PHF2: variants seen among roughly 807,000 people sequenced by gnomAD.
The protein encoded by PHF2 is PHD finger protein 2, also known as lysine-specific demethylase PHF2.
Under a neutral mutation model 120.5 loss-of-function variants are expected in PHF2, and 27 were observed. The observed-to-expected ratio is 0.22, with a 90% CI of 0.17 to 0.31. The LOEUF (loss-of-function observed/expected upper bound fraction) is 0.31, where lower values mean the gene tolerates loss of function less well. PHF2 is among the 10% of genes least tolerant of loss of function. PHF2 has a pLI of 1.00. For missense variants in PHF2, 1,024 were observed against 1,434.8 expected (o/e 0.71, Z 4.63); for synonymous variants, 568 against 592.5 (o/e 0.96, Z 0.60).
At chr9:93,615,927 G>A (rs1279271192) in intron 1 of PHF2, among the ~76,000 whole-genome samples, 1 of 152,154 alleles carries the variant, frequency 6.6e-6, no homozygotes, top group Non-Finnish European at 1.5e-5. Flanking sequence ...GGGCCATTCT[G>A]GTTTTAAAAA....
chr9:93,592,997 C>T (rs967036464), intron 1 of PHF2, among the ~76,000 whole-genome samples: 6 of 148,856 alleles, frequency 4.0e-5, no homozygotes, highest in African/African-American at 1.5e-4. Context: ...CAGGGCACAT[C>T]CAGAGGTCCT....
intron 17 of PHF2, among the ~76,000 whole-genome samples, chr9:93,672,983 T>G (rs1455323465): frequency 1.3e-5 from 2 of 148,948 alleles, no homozygotes; most frequent in African/African-American, 5.0e-5. Context: ...TGTAGATGCA[T>G]GTATGGGTGT....
intron 1 of PHF2, among the ~76,000 whole-genome samples, chr9:93,612,127 G>T (rs1038345788): frequency 6.6e-6 from 1 of 152,204 alleles, no homozygotes; most frequent in African/African-American, 2.4e-5. Flanking sequence ...AATTGTTCCA[G>T]ATCAGCAAAT....
At chr9:93,638,818 A>G (rs1826132854) in intron 3 of PHF2, among the ~76,000 whole-genome samples, 1 of 152,180 alleles carries the variant, frequency 6.6e-6, no homozygotes, top group Admixed American at 6.5e-5. Context: ...TCCCGGGTTC[A>G]AGTGATTCTT....
chr9:93,615,976 A>G (rs1372213552), intron 1 of PHF2, among the ~76,000 whole-genome samples: 1 of 152,246 alleles, frequency 6.6e-6, no homozygotes, highest in Non-Finnish European at 1.5e-5. Flanking sequence ...AAAGGAATAC[A>G]TGCTCATTTT....
At chr9:93,593,084 CAAAAAAAAAAA>C (rs200919035) in intron 1 of PHF2, among the ~76,000 whole-genome samples, 3 of 83,364 alleles carry the variant, frequency 3.6e-5, no homozygotes, top group Admixed American at 1.2e-4. Flanking sequence ...TCCTTTATGC[CAAAAAAAAAAA>C]AAAAAAAAAA....
chr9:93,636,612 G>T, intron 3 of PHF2, 87 bp downstream of exon 3: 3 of 984,376 alleles, frequency 3.0e-6, no homozygotes, highest in Non-Finnish European at 4.6e-6. Context: ...CATTGCTGGG[G>T]GCTTCCTTTG....
intron 1 of PHF2, among the ~76,000 whole-genome samples, chr9:93,627,358 AATTT>A (rs1276195463): frequency 7.2e-5 from 11 of 152,126 alleles, no homozygotes; most frequent in Non-Finnish European, 1.5e-4. Flanking sequence ...ACACCTTCTG[AATTT>A]ATTTGTTAGG....
At chr9:93,589,642 C>G (rs1367343366) in intron 1 of PHF2, among the ~76,000 whole-genome samples, 1 of 152,218 alleles carries the variant, frequency 6.6e-6, no homozygotes, top group Non-Finnish European at 1.5e-5. Context: ...AAGGCATCAG[C>G]TACATTTATT....
At position 93,576,679 on chromosome 9, in the gene PHF2, G is replaced by A; in HGVS notation, c.-95G>A. 1 of 234,680 alleles carries A rather than the reference G, an allele frequency of 4.3e-6. No homozygotes were observed. The highest frequency in any genetic ancestry group is 6.7e-6 in the Non-Finnish European group (1 of 149,098). The allele number at this position is 234,680 out of a possible 1,614,324, so 14.5% of individuals were successfully genotyped here. A position where few individuals can be genotyped will look rare whatever the true frequency, so the allele number is the denominator to read the frequency against. Reference sequence around the variant, plus strand: ...GCCGCGGCGCCGCCTGCGCCCCGCCGCCCCCGCCGCCCCCGCGCGGCCCGG... The same window carrying A: ...GCCGCGGCGCCGCCTGCGCCCCGCCACCCCCGCCGCCCCCGCGCGGCCCGG... On this transcript the variant is annotated 5_prime_UTR_variant, in exon 1 of 22. Coordinates refer to ENST00000359246, the MANE Select transcript of PHF2 (RefSeq NM_005392.4).
chr9:93,586,991 C>T (rs1863058095), intron 1 of PHF2, among the ~76,000 whole-genome samples: 1 of 152,198 alleles, frequency 6.6e-6, no homozygotes. Flanking sequence ...TAGGGAGGCA[C>T]CTTGGCCTGT....
intron 1 of PHF2, among the ~76,000 whole-genome samples, chr9:93,599,081 T>C (rs4744256): frequency 0.9 from 137,546 of 152,228 alleles, 62,206 homozygotes; most frequent in East Asian, 1. Context: ...AGCGAGCTAG[T>C]CCCGTGTCCA....
At chr9:93,662,609 G>A (rs116443538) in intron 12 of PHF2, among the ~76,000 whole-genome samples, 476 of 151,828 alleles carry the variant, frequency 3.1e-3, no homozygotes, top group African/African-American at 0.011. Flanking sequence ...ATGAATGAAC[G>A]AATGGGTGAG....
At position 93,667,381 on chromosome 9, in the gene PHF2, G is replaced by A. The variant is rs546423717; in HGVS notation, c.2348+141G>A. ...GCCGCCCCTGGGCCTGGGCAGAAGGGCACACCTCAGATGTTGGACTGGTTC... is the reference window on the plus strand; with the variant it reads ...GCCGCCCCTGGGCCTGGGCAGAAGGACACACCTCAGATGTTGGACTGGTTC... On this transcript the variant is annotated intron_variant, in intron 17 of 21. Transcript: ENST00000359246. The A allele has an allele frequency of 8.3e-5, 75 of 903,804 alleles. 1 individual carries two copies. The East Asian group carries it at 1.9e-3, about 23-fold the overall frequency. The allele number at this position is 903,804 out of a possible 1,614,324, so 56.0% of individuals were successfully genotyped here.
rs1448401043 is a variant in PHF2 at position 93,676,947 on chromosome 9, C to A, written c.3186C>A (p.Asn1062Lys). 3.2e-6 allele frequency: 5 copies of A among 1,559,590 alleles called. No homozygotes were observed. The highest frequency in any genetic ancestry group is 3.5e-6 in the Non-Finnish European group (4 of 1,148,912). The part of the protein sequence containing the change: ...QRRPSASSPN[N>K]NTAAKGKRTK... ...GGCCCTCCGCATCGTCTCCAAACAA[C>A]AACACCGCTGCCAAAGGTACTGTGC... Residue 1062 changes from asparagine (N) to lysine (K), a missense_variant, in exon 21 of 22, where the codon AAC becomes AAA. Physicochemically the swap from Asn to Lys is moderately conservative, Grantham distance 94 (BLOSUM62 0). Coordinates refer to ENST00000359246, the MANE Select transcript of PHF2 (RefSeq NM_005392.4).
rs1587726056 is a variant in PHF2, at chr9:93,676,909, C to T, written c.3148C>T (p.Leu1050Phe). The T allele has an allele frequency of 6.3e-7, 1 of 1,581,162 alleles. No homozygotes were observed. Residue 1050 changes from leucine to phenylalanine, a missense_variant, in exon 21 of 22, where the codon CTC (leucine) becomes TTC (phenylalanine). By Grantham distance (22) the Leu-to-Phe change is conservative (BLOSUM62 0). This residue lies in a region of PHF2 where 677 missense variants were observed against 857.4 expected (regional missense o/e 0.79). Transcript: ENST00000359246. The part of the protein sequence containing the change: ...TSQPMAPGVF[L>F]TQRRPSASSP... ...CCAGCCCATGGCCCCTGGGGTCTTT[C>T]TCACACAGAGGCGGCCCTCCGCATC...
At chr9:93,614,068 A>G (rs1419323486) in intron 1 of PHF2, among the ~76,000 whole-genome samples, 1 of 152,222 alleles carries the variant, frequency 6.6e-6, no homozygotes, top group Non-Finnish European at 1.5e-5. Flanking sequence ...ACCTGCCCCA[A>G]GGCTGCCAAC....
intron 1 of PHF2, among the ~76,000 whole-genome samples, chr9:93,592,128 G>T (rs1441303815): frequency 2.6e-5 from 4 of 152,194 alleles, no homozygotes; most frequent in African/African-American, 9.7e-5. Flanking sequence ...CTTGTGATGG[G>T]TGGCAGGGCC....
At chr9:93,660,635 G>A in intron 12 of PHF2, 75 bp downstream of exon 12, 1 of 1,360,580 alleles carries the variant, frequency 7.3e-7, no homozygotes, top group Non-Finnish European at 9.8e-7. Context: ...CAGTCCCATG[G>A]AGATAGCTAG....
Sources: allele counts gnomAD v4.1 joint callset (sites outside exome capture counted in the v4.1 genomes callset), GRCh38; gene constraint gnomAD v4.1.1; regional missense constraint gnomAD v4.1.1; transcripts MANE v1.5; gene names NCBI Gene and HGNC (gene_info 2026-07-23, HGNC 2026-07-21).